The following COL4A2 variants were observed in gnomAD, a reference collection of about 807,000 sequenced individuals.
The protein encoded by COL4A2 is collagen alpha-2(IV) chain.
A neutral mutation model predicts 200.2 loss-of-function variants in COL4A2; 99 were observed. That is an observed-to-expected ratio of 0.49 (90% CI 0.42 to 0.58). The LOEUF is 0.58. COL4A2 is among the 20% of genes least tolerant of loss of function. The probability of loss-of-function intolerance (pLI) is 0.00; values close to 1 mark genes in which losing one functional copy is unlikely to be tolerated. For missense variants in COL4A2, 1,950 were observed against 2,314.1 expected, an observed-to-expected ratio of 0.84 and a Z score of 3.23; for synonymous variants, 897 against 900.6, an observed-to-expected ratio of 1.00 and a Z score of 0.07.
At chr13:110,472,902 T>C in intron 28 of COL4A2, 27 bp from the exon 29 acceptor site, 2 of 1,544,298 alleles carry the variant, frequency 1.3e-6, no homozygotes, top group Non-Finnish European at 1.8e-6. Context: ...AACTTGTGGT[T>C]TGGGGCCCAC....
Position 110,478,792 on chromosome 13 carries a change from C to T in COL4A2, c.2587+628C>T, listed in dbSNP as rs528482775. ...CCCCTTTTTGTTTTGTCCAGAAAAA[C>T]AGCTTTTTAAGGAAGTGTTGTATGT... On this transcript the variant is annotated intron_variant, in intron 30 of 47. Transcript: ENST00000360467. 6.9e-4 allele frequency among the ~76,000 whole-genome samples: 99 copies of T among 144,286 alleles called. 1 individual carries two copies. In the South Asian group the frequency reaches 0.022, roughly 32 times the overall value. 94.7% of individuals were successfully genotyped at this position (144,286 alleles called of 152,430 possible). A position where few individuals can be genotyped will look rare whatever the true frequency, so the allele number is the denominator to read the frequency against.
chr13:110,333,718 G>A (rs906524791), intron 3 of COL4A2, among the ~76,000 whole-genome samples: 1 of 152,194 alleles, frequency 6.6e-6, no homozygotes, highest in African/African-American at 2.4e-5. Context: ...CTGCCTCTGC[G>A]AGTCTGAACT....
At chr13:110,396,741 T>A (rs951242276) in intron 4 of COL4A2, among the ~76,000 whole-genome samples, 2 of 116,852 alleles carry the variant, frequency 1.7e-5, no homozygotes, top group Non-Finnish European at 3.6e-5. Flanking sequence ...CCGTTTTTTC[T>A]TGTGAGGAGA....
chr13:110,343,870 C>T (rs1876579843), intron 3 of COL4A2, among the ~76,000 whole-genome samples: 1 of 152,200 alleles, frequency 6.6e-6, no homozygotes, highest in Admixed American at 6.5e-5. Context: ...ACTGAAGGTA[C>T]TTCTCTGGAA....
intron 3 of COL4A2, among the ~76,000 whole-genome samples, chr13:110,347,946 T>A (rs887179737): frequency 2.0e-5 from 3 of 152,270 alleles, no homozygotes. Context: ...GCCGCCGTGT[T>A]GAACCAGGAT....
chr13:110,345,788 C>T (rs1876673257), intron 3 of COL4A2, among the ~76,000 whole-genome samples: 1 of 152,228 alleles, frequency 6.6e-6, no homozygotes, highest in African/African-American at 2.4e-5. Context: ...ACACCCCCAG[C>T]TGCTGTGTGG....
intron 40 of COL4A2, 90 bp downstream of exon 40, chr13:110,495,557 A>AGG: frequency 6.6e-7 from 1 of 1,506,836 alleles, no homozygotes; most frequent in Non-Finnish European, 8.9e-7. Flanking sequence ...GGGGTGGGAG[A>AGG]GGCTGTGCAG....
intron 6 of COL4A2, among the ~76,000 whole-genome samples, chr13:110,427,143 GGTTT>G (rs1238422186): frequency 6.6e-6 from 1 of 152,162 alleles, no homozygotes; most frequent in African/African-American, 2.4e-5. Flanking sequence ...GGGGTTTTGA[GGTTT>G]GTTTGTTTTG....
At chr13:110,380,463 T>C (rs1271311421) in intron 4 of COL4A2, among the ~76,000 whole-genome samples, 2 of 152,222 alleles carry the variant, frequency 1.3e-5, no homozygotes, top group African/African-American at 2.4e-5. Context: ...TATTAATATT[T>C]TAAATAAGTC....
At chr13:110,482,082 C>T (rs1882953394) in intron 31 of COL4A2, among the ~76,000 whole-genome samples, 2 of 152,224 alleles carry the variant, frequency 1.3e-5, no homozygotes, top group Admixed American at 6.5e-5. Flanking sequence ...CTGGAGACAC[C>T]TTGACCTCTC....
At chr13:110,454,787 C>A (rs1019673225) in intron 20 of COL4A2, among the ~76,000 whole-genome samples, 1 of 152,170 alleles carries the variant, frequency 6.6e-6, no homozygotes, top group Admixed American at 6.5e-5. Flanking sequence ...TCCTCTCTGG[C>A]CCTGTTCTGT....
At chr13:110,332,429 A>T (rs1255971003) in intron 3 of COL4A2, among the ~76,000 whole-genome samples, 1 of 152,216 alleles carries the variant, frequency 6.6e-6, no homozygotes, top group Non-Finnish European at 1.5e-5. Flanking sequence ...TGCAAGAGGG[A>T]TGTAAACCAG....
At chr13:110,460,397 G>A (rs1411147623) in intron 22 of COL4A2, among the ~76,000 whole-genome samples, 1 of 152,204 alleles carries the variant, frequency 6.6e-6, no homozygotes, top group Non-Finnish European at 1.5e-5. Context: ...TGCGATCTCT[G>A]AATCATGGCT....
chr13:110,321,670 G>A (rs1419369047), intron 3 of COL4A2, among the ~76,000 whole-genome samples: 3 of 152,192 alleles, frequency 2.0e-5, no homozygotes, highest in South Asian at 2.1e-4. Context: ...AACCAAGACT[G>A]GGCAATTTAC....
rs745979469 is a variant in COL4A2, at chr13:110,450,381, G to T, written c.1266G>T (p.Gly422=). ...ACCCCGGCATCCCTGCGCTCTACGG[G>T]GGCCCACCTGGACCTGATGGAAAGC... ...IGDPGIPALY[G]GPPGPDGKRG... The change falls in exon 20 of 48, where the codon GGG becomes GGT. Residue 422 remains glycine (G), a synonymous_variant. Coordinates refer to ENST00000360467, the MANE Select transcript of COL4A2 (RefSeq NM_001846.4). The T allele has an allele frequency of 1.2e-6, 2 of 1,613,788 alleles. No individual in the cohort carries two copies.
intron 3 of COL4A2, among the ~76,000 whole-genome samples, chr13:110,325,047 C>T (rs1396791450): frequency 2.0e-5 from 3 of 152,182 alleles, no homozygotes; most frequent in African/African-American, 7.2e-5. Flanking sequence ...TTCACATGCA[C>T]AAGGAGGATG....
chr13:110,353,298 G>C (rs1017021585), intron 3 of COL4A2, among the ~76,000 whole-genome samples: 1 of 152,216 alleles, frequency 6.6e-6, no homozygotes, highest in Non-Finnish European at 1.5e-5. Context: ...ATTTGAGGAG[G>C]CTGCAGGGTG....
At chr13:110,466,690 CAAAAG>C (rs1419220253) in intron 26 of COL4A2, among the ~76,000 whole-genome samples, 3 of 152,182 alleles carry the variant, frequency 2.0e-5, no homozygotes, top group African/African-American at 7.2e-5. Context: ...TGCTTCCAGA[CAAAAG>C]AAAAGCATCC....
intron 4 of COL4A2, among the ~76,000 whole-genome samples, chr13:110,423,729 C>G (rs1880349218): frequency 1.3e-5 from 2 of 152,138 alleles, no homozygotes; most frequent in Admixed American, 6.5e-5. Flanking sequence ...CTGTCCCTCT[C>G]TGCCCGGCCC....
Sources: allele counts gnomAD v4.1 joint callset (sites outside exome capture counted in the v4.1 genomes callset), GRCh38; gene constraint gnomAD v4.1.1; transcripts MANE v1.5; gene names NCBI Gene and HGNC (gene_info 2026-07-23, HGNC 2026-07-21).